Variants in FUT8 observed in about 807,000 individuals in gnomAD.
The protein encoded by FUT8 is fucosyltransferase 8, also known as alpha-(1,6)-fucosyltransferase.
FUT8 carries 29 observed loss-of-function variants against 71.3 expected under a neutral mutation model. The ratio of observed to expected loss-of-function variants is 0.41; its 90% CI spans 0.30 to 0.55. FUT8 has a LOEUF of 0.55. Among genes scored for constraint, FUT8 ranks in the 20% least tolerant of loss-of-function variants. The pLI is 0.34. For missense variants in FUT8, 544 were observed against 702.1 expected (o/e 0.77, Z 2.55); for synonymous variants, 254 against 239.3 (o/e 1.06, Z -0.57).
chr14:65,488,498 TA>T (rs1363620547), intron 2 of FUT8: 1 of 152,244 alleles, frequency 6.6e-6, no homozygotes, highest in African/African-American at 2.4e-5. Flanking sequence ...AGCTGCTGCT[TA>T]ACGCTGTTCA....
At chr14:65,517,462 A>T (rs569795288) in intron 2 of FUT8, among the ~76,000 whole-genome samples, 3 of 152,316 alleles carry the variant, frequency 2.0e-5, no homozygotes, top group Non-Finnish European at 2.9e-5. Flanking sequence ...CTGAAGAGAT[A>T]TCTGAGCTCT....
Position 65,742,661 on chromosome 14 carries a change from G to A in FUT8, c.*251G>A, listed in dbSNP as rs1896563722. Reference sequence around the variant, plus strand: ...GTACTCACATATAACATGCAAACAGGTTGTTTTCTACTTTGCCCCTTTCAG... The same window carrying A: ...GTACTCACATATAACATGCAAACAGATTGTTTTCTACTTTGCCCCTTTCAG... On this transcript the variant is annotated 3_prime_UTR_variant, in exon 11 of 11. Transcript: ENST00000673929. 1 of 394,866 alleles carries A rather than the reference G, an allele frequency of 2.5e-6. No individual in the cohort carries two copies. The highest frequency in any genetic ancestry group is 4.0e-5 in the East Asian group (1 of 25,142). The allele number at this position is 394,866 out of a possible 1,614,324, so 24.5% of individuals were successfully genotyped here. A position where few individuals can be genotyped will look rare whatever the true frequency, so the allele number is the denominator to read the frequency against.
At chr14:65,437,982 C>A (rs1237957800) in intron 1 of FUT8, among the ~76,000 whole-genome samples, 2 of 152,134 alleles carry the variant, frequency 1.3e-5, no homozygotes, top group African/African-American at 4.8e-5. Flanking sequence ...ATGTTGGTTT[C>A]ATACCTCTGT....
intron 3 of FUT8, among the ~76,000 whole-genome samples, chr14:65,602,374 C>T (rs985729186): frequency 7.2e-6 from 1 of 138,038 alleles, no homozygotes; most frequent in Non-Finnish European, 1.5e-5. Context: ...CACACACACA[C>T]ACACACACAC....
intron 1 of FUT8, among the ~76,000 whole-genome samples, chr14:65,416,307 TATG>T (rs1341107052): frequency 1.3e-5 from 2 of 151,494 alleles, no homozygotes; most frequent in Non-Finnish European, 2.9e-5. Context: ...GTATTACTAT[TATG>T]GTACCTTTTT....
At position 65,510,474 on chromosome 14, in the gene FUT8, A is replaced by G. The variant is rs149735134; in HGVS notation, c.-227-50863A>G. On this transcript the variant is annotated intron_variant, in intron 2 of 10. Coordinates refer to ENST00000673929, the MANE Select transcript of FUT8 (RefSeq NM_001371533.1). ...AGTTTGGAAGTATTCCCCCTCCTCT[A>G]TTTTTCGGAATAGTTTCAGTAGGAT... 2.3e-3 allele frequency among the ~76,000 whole-genome samples: 345 copies of G among 151,846 alleles called. 4 individuals carry two copies. Among genetic ancestry groups the G allele is most frequent in the African/African-American group, 8.0e-3 (331 of 41,398 alleles).
intron 8 of FUT8, among the ~76,000 whole-genome samples, chr14:65,723,696 A>G (rs1895544256): frequency 6.6e-6 from 1 of 152,204 alleles, no homozygotes; most frequent in South Asian, 2.1e-4. Context: ...AGGGTAAAAT[A>G]AAGAGGAAAA....
intron 7 of FUT8, among the ~76,000 whole-genome samples, chr14:65,698,279 A>G (rs1184752416): frequency 6.6e-6 from 1 of 152,226 alleles, no homozygotes; most frequent in Non-Finnish European, 1.5e-5. Flanking sequence ...GTTTATCGAA[A>G]TGCTCAAAGA....
chr14:65,691,816 C>T (rs910920188), intron 7 of FUT8, among the ~76,000 whole-genome samples: 3,659 of 151,796 alleles, frequency 0.024, 131 homozygotes, highest in African/African-American at 0.084. Flanking sequence ...AACGAGCATG[C>T]TGCCTTCAAG....
At chr14:65,456,621 T>A (rs1163560235) in intron 2 of FUT8, among the ~76,000 whole-genome samples, 1 of 152,098 alleles carries the variant, frequency 6.6e-6, no homozygotes, top group African/African-American at 2.4e-5. Flanking sequence ...AAACCTGTAA[T>A]CCCAGCACTT....
chr14:65,728,036 A>G (rs192882839), intron 9 of FUT8, among the ~76,000 whole-genome samples: 30 of 152,250 alleles, frequency 2.0e-4, no homozygotes, highest in Non-Finnish European at 3.4e-4. Flanking sequence ...ATCTGAGACC[A>G]CCTCAGCCCA....
At chr14:65,693,131 G>A (rs75221510) in intron 7 of FUT8, among the ~76,000 whole-genome samples, 53 of 152,286 alleles carry the variant, frequency 3.5e-4, no homozygotes, top group Admixed American at 2.8e-3. Flanking sequence ...CTGCAATCTC[G>A]GCACTTTGGG....
At chr14:65,637,193 A>G (rs775664742) in intron 6 of FUT8, among the ~76,000 whole-genome samples, 40 of 152,216 alleles carry the variant, frequency 2.6e-4, no homozygotes, top group Admixed American at 6.5e-4. Flanking sequence ...CGTTGCTGAT[A>G]TATATTCATT....
chr14:65,593,075 A>C (rs745329809), intron 3 of FUT8, among the ~76,000 whole-genome samples: 1 of 152,204 alleles, frequency 6.6e-6, no homozygotes, highest in Non-Finnish European at 1.5e-5. Context: ...GCAATTGGTC[A>C]GTCCTTCTAG....
intron 1 of FUT8, among the ~76,000 whole-genome samples, chr14:65,450,966 C>T (rs993189624): frequency 6.6e-6 from 1 of 151,958 alleles, no homozygotes; most frequent in South Asian, 2.1e-4. Flanking sequence ...ACGCCATTCT[C>T]CTGCCTCAGC....
At chr14:65,526,732 T>A (rs1020831646) in intron 2 of FUT8, among the ~76,000 whole-genome samples, 3 of 152,218 alleles carry the variant, frequency 2.0e-5, no homozygotes, top group African/African-American at 4.8e-5. Context: ...AGTGCTTCCT[T>A]CAGGAGCTCT....
At position 65,644,142 on chromosome 14, in the gene FUT8, C is replaced by T. The variant is rs555387846; in HGVS notation, c.597+14536C>T. ...CAAGAATTAGGGAGTAGCAAGACGC[C>T]TATGAAGGGAATACGTAGGCTCTTG... On this transcript the variant is annotated intron_variant, in intron 6 of 10. Transcript: ENST00000673929. Among the ~76,000 whole-genome samples the T allele has an allele frequency of 1.1e-4, 17 of 152,196 alleles. No homozygotes were observed. The South Asian group carries it at 3.5e-3, about 32-fold the overall frequency.
At chr14:65,499,612 G>A (rs537847937) in intron 2 of FUT8, among the ~76,000 whole-genome samples, 3 of 152,050 alleles carry the variant, frequency 2.0e-5, no homozygotes, top group East Asian at 3.9e-4. Flanking sequence ...CTAGGAGTTC[G>A]AGATAATTCT....
chr14:65,422,052 A>G (rs2065306326), intron 1 of FUT8, among the ~76,000 whole-genome samples: 1 of 152,018 alleles, frequency 6.6e-6, no homozygotes, highest in Non-Finnish European at 1.5e-5. Context: ...TGAATTAGAG[A>G]CATTTTGTTT....
Sources: gnomAD v4.1 joint callset for allele counts (sites outside exome capture counted in the v4.1 genomes callset) on GRCh38, gnomAD v4.1.1 for gene constraint, MANE v1.5 for transcripts, NCBI Gene and HGNC (gene_info 2026-07-23, HGNC 2026-07-21) for gene names.